The following TRHDE variants were observed in gnomAD, a reference collection of about 807,000 sequenced individuals.
TRHDE encodes thyrotropin-releasing hormone-degrading ectoenzyme.
Under a neutral mutation model 125.7 loss-of-function variants are expected in TRHDE, and 72 were observed. That is an observed-to-expected ratio of 0.57 (90% CI 0.47 to 0.70). TRHDE has a LOEUF of 0.70. TRHDE is among the 30% of genes least tolerant of loss of function. The pLI is 0.00. For synonymous variants in TRHDE, 509 were observed against 509.1 expected (o/e 1.00, Z 0.00); for missense variants, 1,110 against 1,327.1 (o/e 0.84, Z 2.54).
At chr12:72,573,452 A>T (rs1195666959) in intron 10 of TRHDE, among the ~76,000 whole-genome samples, 2 of 151,888 alleles carry the variant, frequency 1.3e-5, no homozygotes, top group African/African-American at 2.4e-5. Flanking sequence ...AGTTCCATGG[A>T]TTAAGTATAG....
intron 2 of TRHDE, among the ~76,000 whole-genome samples, chr12:72,375,914 G>A (rs971329863): frequency 1.3e-5 from 2 of 152,138 alleles, no homozygotes; most frequent in African/African-American, 4.8e-5. Flanking sequence ...GGATGTTGTT[G>A]GTGCACAGAC....
At chr12:72,464,196 A>G (rs1440340071) in intron 3 of TRHDE, among the ~76,000 whole-genome samples, 3 of 152,228 alleles carry the variant, frequency 2.0e-5, no homozygotes, top group Admixed American at 2.0e-4. Flanking sequence ...CAGTCTGGGC[A>G]TGTGGGTGGT....
intron 2 of TRHDE, among the ~76,000 whole-genome samples, chr12:72,251,240 C>T (rs1878677609): frequency 6.6e-6 from 1 of 151,898 alleles, no homozygotes; most frequent in African/African-American, 2.4e-5. Flanking sequence ...AGATACAGAA[C>T]AGTCCCATCA....
At chr12:72,532,478 T>G in intron 6 of TRHDE, among the ~76,000 whole-genome samples, 1 of 151,198 alleles carries the variant, frequency 6.6e-6, no homozygotes, top group Non-Finnish European at 1.5e-5. Flanking sequence ...AGTGAATTCT[T>G]ATTTTCAACT....
At chr12:72,388,099 G>A (rs1028264428) in intron 3 of TRHDE, among the ~76,000 whole-genome samples, 10 of 150,762 alleles carry the variant, frequency 6.6e-5, no homozygotes, top group African/African-American at 1.5e-4. Context: ...TGCATTCCTC[G>A]CTGTTTCTCC....
At chr12:72,627,106 G>C (rs1466109961) in intron 15 of TRHDE, among the ~76,000 whole-genome samples, 1 of 151,848 alleles carries the variant, frequency 6.6e-6, no homozygotes, top group Non-Finnish European at 1.5e-5. Flanking sequence ...CCCTTCCAAT[G>C]AGCTGGGCTT....
At chr12:72,163,985 C>T (rs1373216499) in intron 2 of TRHDE, among the ~76,000 whole-genome samples, 2 of 152,056 alleles carry the variant, frequency 1.3e-5, no homozygotes, top group Admixed American at 1.3e-4. Context: ...GTGGCACATA[C>T]CTGTAGTCCC....
At chr12:72,087,304 A>G (rs1874692249) in exon 1 of TRHDE, 1 of 152,196 alleles carries the variant, frequency 6.6e-6, no homozygotes, top group African/African-American at 2.4e-5. Context: ...GCATCAGAAG[A>G]AAAGTCCATA....
chr12:72,607,372 G>A (rs1872489058), intron 12 of TRHDE, among the ~76,000 whole-genome samples: 1 of 152,094 alleles, frequency 6.6e-6, no homozygotes, highest in Admixed American at 6.6e-5. Context: ...ATTCACAACT[G>A]TTGCTGTTCA....
rs141822620 is a variant in TRHDE at position 72,110,605 on chromosome 12, T to G, written n.279+4853T>G. Reference sequence around the variant, plus strand: ...TACAAACACATTGGGGAAAAAATTTTAAACTTTATCGAATATCTTAGATTA... The same window carrying G: ...TACAAACACATTGGGGAAAAAATTTGAAACTTTATCGAATATCTTAGATTA... On this transcript the variant is annotated intron_variant and non_coding_transcript_variant, in intron 2 of 4. Transcript: ENST00000548156. 1.8e-3 allele frequency among the ~76,000 whole-genome samples: 278 copies of G among 152,246 alleles called. 2 individuals carry two copies. Among genetic ancestry groups the G allele is most frequent in the African/African-American group, 5.6e-3 (234 of 41,564 alleles).
At chr12:72,191,446 T>C (rs1357775820) in intron 2 of TRHDE, among the ~76,000 whole-genome samples, 2 of 152,210 alleles carry the variant, frequency 1.3e-5, no homozygotes, top group Non-Finnish European at 2.9e-5. Flanking sequence ...AAAATTTCCA[T>C]GTTTGTTTCA....
intron 5 of TRHDE, among the ~76,000 whole-genome samples, chr12:72,488,051 A>G (rs972367494): frequency 6.6e-6 from 1 of 152,144 alleles, no homozygotes; most frequent in Non-Finnish European, 1.5e-5. Context: ...ATCAAAGCTC[A>G]GAATTACAGA....
chr12:72,216,219 C>A (rs557262942), intron 2 of TRHDE, among the ~76,000 whole-genome samples: 10 of 152,122 alleles, frequency 6.6e-5, no homozygotes, highest in Non-Finnish European at 1.2e-4. Context: ...ATTTTGTGTT[C>A]AATTCTATGA....
intron 15 of TRHDE, among the ~76,000 whole-genome samples, chr12:72,650,455 C>T (rs1289150905): frequency 3.3e-5 from 5 of 152,022 alleles, no homozygotes; most frequent in African/African-American, 1.2e-4. Context: ...TTAGTATATT[C>T]TGTTACTTTT....
At chr12:72,621,335 G>A (rs74105937) in intron 14 of TRHDE, 130 bp downstream of exon 14, 67,375 of 669,192 alleles carry the variant, frequency 0.1, 8,974 homozygotes, top group African/African-American at 0.51. Context: ...TCACTTTCCC[G>A]AGAGGACTGC....
At chr12:72,341,249 C>T (rs1034589333) in intron 2 of TRHDE, among the ~76,000 whole-genome samples, 6 of 151,880 alleles carry the variant, frequency 4.0e-5, no homozygotes, top group African/African-American at 1.5e-4. Context: ...TCATCATTTA[C>T]ATTAGGTATT....
rs570526559 is a variant in TRHDE at position 72,643,989 on chromosome 12, A to G, written c.2676-8333A>G. ...CACTGGTTAGGCCCAGGTCATGGCA[A>G]TGATACCCTCTTGAAGGGTATACAA... On this transcript the variant is annotated intron_variant, in intron 15 of 18. Coordinates refer to ENST00000261180, the MANE Select transcript of TRHDE (RefSeq NM_013381.3). Among the ~76,000 whole-genome samples, 167 of 152,276 alleles carry G rather than the reference A, an allele frequency of 1.1e-3. 1 individual carries two copies. The highest frequency in any genetic ancestry group is 3.8e-3 in the African/African-American group (158 of 41,554).
intron 2 of TRHDE, among the ~76,000 whole-genome samples, chr12:72,336,095 C>T (rs907007697): frequency 2.0e-5 from 3 of 152,022 alleles, no homozygotes; most frequent in African/African-American, 7.3e-5. Context: ...TCTTTAGGTG[C>T]CAATATAAGG....
intron 2 of TRHDE, among the ~76,000 whole-genome samples, chr12:72,344,787 C>T (rs1188735608): frequency 2.0e-5 from 3 of 152,056 alleles, no homozygotes; most frequent in Admixed American, 2.0e-4. Context: ...TCTTGTCTTC[C>T]TGCTCCTGCC....
Sources: gnomAD v4.1 joint callset for allele counts (sites outside exome capture counted in the v4.1 genomes callset) on GRCh38, gnomAD v4.1.1 for gene constraint, MANE v1.5 for transcripts, NCBI Gene and HGNC (gene_info 2026-07-23, HGNC 2026-07-21) for gene names.